Variants in AGBL1 observed in about 807,000 individuals in gnomAD.
AGBL1 encodes AGBL carboxypeptidase 1.
Under a neutral mutation model 118.9 loss-of-function variants are expected in AGBL1, and 130 were observed. The observed-to-expected ratio is 1.09, with a 90% CI of 0.95 to 1.26. The LOEUF (loss-of-function observed/expected upper bound fraction) is 1.26. Among genes scored for constraint, AGBL1 ranks in the 50% most tolerant of loss-of-function variants. The pLI, the probability that AGBL1 is intolerant of heterozygous loss-of-function variation, is 0.00. For missense variants in AGBL1, 1,584 were observed against 1,298.1 expected (o/e 1.22, Z -3.38); for synonymous variants, 555 against 478.9 (o/e 1.16, Z -2.08).
At chr15:86,984,597 C>T (rs908850162) in intron 23 of AGBL1, among the ~76,000 whole-genome samples, 1 of 152,088 alleles carries the variant, frequency 6.6e-6, no homozygotes, top group African/African-American at 2.4e-5. Flanking sequence ...AACACCTGAC[C>T]TTGTGATCCA....
intron 23 of AGBL1, among the ~76,000 whole-genome samples, chr15:86,982,191 C>A (rs572382152): frequency 6.6e-6 from 1 of 152,042 alleles, no homozygotes; most frequent in South Asian, 2.1e-4. Flanking sequence ...TATATTTAAT[C>A]ATATAGTTAT....
At chr15:86,436,651 A>T (rs2082003832) in intron 18 of AGBL1, among the ~76,000 whole-genome samples, 1 of 152,224 alleles carries the variant, frequency 6.6e-6, no homozygotes, top group Admixed American at 6.5e-5. Context: ...ACACTAAGTT[A>T]ATGGGAAGAC....
intron 21 of AGBL1, among the ~76,000 whole-genome samples, chr15:86,648,927 AAAG>A (rs1396407095): frequency 2.6e-5 from 4 of 152,220 alleles, no homozygotes; most frequent in African/African-American, 9.6e-5. Context: ...TGAGATTATA[AAAG>A]AAGAATTTGA....
chr15:86,708,479 A>G (rs1331640867), intron 22 of AGBL1, among the ~76,000 whole-genome samples: 3 of 152,140 alleles, frequency 2.0e-5, no homozygotes, highest in Non-Finnish European at 4.4e-5. Context: ...AACTATGAGA[A>G]AGTGAGAAAA....
downstream of AGBL1, among the ~76,000 whole-genome samples, chr15:86,917,024 G>A (rs2080433429): frequency 6.6e-6 from 1 of 152,232 alleles, no homozygotes; most frequent in Non-Finnish European, 1.5e-5. The surrounding 1 kb of genome is among the most constrained non-coding windows in gnomAD (Gnocchi z 4.8). Flanking sequence ...GGAATGAATT[G>A]AGTCAGCAAA....
Position 86,536,348 on chromosome 15 carries a change from G to C in AGBL1, c.2686-9654G>C, listed in dbSNP as rs2083425862. ...TTTTTTTGAGATGGGGTCTCGATCT[G>C]TCACCAGGCTGGAGTGCAGCGGTGC... On this transcript the variant is annotated intron_variant, in intron 19 of 22. Transcript: ENST00000614907. 2.0e-5 allele frequency among the ~76,000 whole-genome samples: 3 copies of C among 152,132 alleles called. No individual in the cohort carries two copies. In the South Asian group the frequency reaches 6.2e-4, roughly 31 times the overall value.
intron 17 of AGBL1, among the ~76,000 whole-genome samples, chr15:86,370,002 T>C (rs948929236): frequency 6.6e-6 from 1 of 152,176 alleles, no homozygotes; most frequent in Non-Finnish European, 1.5e-5. Context: ...TATCAGCAAT[T>C]TAAAAAATCA....
intron 7 of AGBL1, among the ~76,000 whole-genome samples, chr15:86,255,621 C>A (rs28567422): frequency 0.032 from 4,834 of 152,112 alleles, 264 homozygotes; most frequent in African/African-American, 0.11. Flanking sequence ...CGTCTCTATT[C>A]AAAATACAAA....
At chr15:86,393,653 T>C (rs191185769) in intron 17 of AGBL1, among the ~76,000 whole-genome samples, 26 of 143,554 alleles carry the variant, frequency 1.8e-4, no homozygotes, top group Non-Finnish European at 3.1e-4. Flanking sequence ...CAGTTGTGCC[T>C]AGCTAGCTAA....
intron 18 of AGBL1, among the ~76,000 whole-genome samples, chr15:86,471,983 G>T (rs1297528961): frequency 6.6e-6 from 1 of 152,186 alleles, no homozygotes; most frequent in South Asian, 2.1e-4. Context: ...AGACACACAA[G>T]AGAGGACACA....
At chr15:86,440,009 A>G (rs1567260999) in intron 18 of AGBL1, among the ~76,000 whole-genome samples, 1 of 152,224 alleles carries the variant, frequency 6.6e-6, no homozygotes, top group Non-Finnish European at 1.5e-5. Flanking sequence ...CCTGGATAGA[A>G]ATTAATTTTA....
At chr15:86,112,501 C>A (rs1475430507) in intron 1 of AGBL1, among the ~76,000 whole-genome samples, 1 of 152,132 alleles carries the variant, frequency 6.6e-6, no homozygotes, top group Admixed American at 6.5e-5. Context: ...ATTTATTTAA[C>A]GTTAGACATT....
At chr15:86,863,995 A>G (rs2141486388) in intron 22 of AGBL1, among the ~76,000 whole-genome samples, 1 of 152,332 alleles carries the variant, frequency 6.6e-6, no homozygotes, top group Admixed American at 6.5e-5. Flanking sequence ...TACAATTATT[A>G]ACAATGACCA....
intron 22 of AGBL1, among the ~76,000 whole-genome samples, chr15:86,784,592 T>C (rs966225140): frequency 5.3e-5 from 8 of 152,210 alleles, no homozygotes; most frequent in African/African-American, 1.7e-4. Context: ...AAAACTGCTG[T>C]ACTGGGCTTT....
downstream of AGBL1, among the ~76,000 whole-genome samples, chr15:86,919,605 CA>C (rs2080464478): frequency 6.6e-6 from 1 of 151,570 alleles, no homozygotes; most frequent in African/African-American, 2.4e-5. Context: ...CACACACACA[CA>C]CACACACCCG....
chr15:86,570,127 G>T (rs2083982316), intron 21 of AGBL1, among the ~76,000 whole-genome samples: 1 of 152,176 alleles, frequency 6.6e-6, no homozygotes. Context: ...CAAATGTTCT[G>T]AGAAGGGCAG....
At chr15:86,529,422 G>GA (rs1465096400) in intron 19 of AGBL1, among the ~76,000 whole-genome samples, 1 of 132,088 alleles carries the variant, frequency 7.6e-6, no homozygotes, top group Non-Finnish European at 1.5e-5. Context: ...AGAATAAAAA[G>GA]AAATGAGCAA....
rs149129939 is a variant in AGBL1 at position 86,113,617 on chromosome 15, C to A, written c.52-28387C>A. On this transcript the variant is annotated intron_variant, in intron 1 of 22. Coordinates refer to ENST00000614907, the MANE Select transcript of AGBL1 (RefSeq NM_001386094.1). The stretch of plus-strand genomic sequence containing the variant: ...TCACCTCTTTCACCTGCCTTTCAGT[C>A]GAGCTATTTGAGTAGCTGCATTACC... Among the ~76,000 whole-genome samples, 528 of 152,160 alleles carry A rather than the reference C, an allele frequency of 3.5e-3. 7 individuals are homozygous for A. The highest frequency in any genetic ancestry group is 0.012 in the African/African-American group (505 of 41,530).
At chr15:86,917,831 G>A (rs1048101321), downstream of AGBL1, among the ~76,000 whole-genome samples, 1 of 151,652 alleles carries the variant, frequency 6.6e-6, no homozygotes, top group South Asian at 2.1e-4. The surrounding 1 kb of genome is among the most constrained non-coding windows in gnomAD (Gnocchi z 4.8). Context: ...CTCAAGGCAG[G>A]GGAGCAAAGA....
Sources: gnomAD v4.1 joint callset for allele counts (sites outside exome capture counted in the v4.1 genomes callset) on GRCh38, gnomAD v4.1.1 for gene constraint, Gnocchi (gnomAD v3.1) non-coding constraint, MANE v1.5 for transcripts, NCBI Gene and HGNC (gene_info 2026-07-23, HGNC 2026-07-21) for gene names.